Variants in LUM observed in about 807,000 individuals in gnomAD.
The protein encoded by LUM is KSPG lumican.
A neutral mutation model predicts 20.5 loss-of-function variants in LUM; 13 were observed. That is an observed-to-expected ratio of 0.63 (90% confidence interval 0.41 to 1.01). LUM has a LOEUF of 1.01. Ranked by LOEUF, LUM falls within the 50% of genes least tolerant of loss-of-function variation. The pLI is 0.00. For synonymous variants in LUM, 173 were observed against 151.5 expected (o/e 1.14, Z -1.04); for missense variants, 321 against 391.1 (o/e 0.82, Z 1.51).
rs1037302976 is a variant in LUM at position 91,104,680 on chromosome 12, T to C, written c.863-361A>G. On this transcript the variant is annotated intron_variant, in intron 2 of 2. Coordinates refer to ENST00000266718, the MANE Select transcript of LUM (RefSeq NM_002345.4). ...AAGAAATATAAATGGATCCCATTGT[T>C]GTATGAACAATCTCAGTATAAGTAC... Among the ~76,000 whole-genome samples the C allele has an allele frequency of 8.5e-5, 13 of 152,180 alleles. 1 individual carries two copies. Among genetic ancestry groups the C allele is most frequent in the African/African-American group, 2.2e-4 (9 of 41,462 alleles).
intron 2 of LUM, among the ~76,000 whole-genome samples, chr12:91,105,987 A>G (rs1171462613): frequency 6.6e-6 from 1 of 152,198 alleles, no homozygotes; most frequent in African/African-American, 2.4e-5. Flanking sequence ...TATGTTTAAA[A>G]TGAGGAATCA....
intron 2 of LUM, among the ~76,000 whole-genome samples, chr12:91,104,525 T>C (rs1879988213): frequency 6.6e-6 from 1 of 152,142 alleles, no homozygotes; most frequent in Admixed American, 6.6e-5. Context: ...AGAGTAATCA[T>C]GGTAGATCAA....
chr12:91,110,946 G>C (rs1880190030), intron 1 of LUM, among the ~76,000 whole-genome samples: 1 of 152,038 alleles, frequency 6.6e-6, no homozygotes, highest in Non-Finnish European at 1.5e-5. Flanking sequence ...AAATCTTTTA[G>C]CTCATGTTTT....
At chr12:91,105,338 G>A (rs961759839) in intron 2 of LUM, among the ~76,000 whole-genome samples, 1 of 151,562 alleles carries the variant, frequency 6.6e-6, no homozygotes, top group African/African-American at 2.4e-5. Context: ...ATTAAATTAA[G>A]TTGTGTAGAG....
intron 1 of LUM, 77 bp from the exon 2 acceptor site, chr12:91,109,077 A>T: frequency 2.9e-6 from 3 of 1,039,972 alleles, no homozygotes; most frequent in Non-Finnish European, 4.2e-6. Flanking sequence ...GCAACATTAA[A>T]TTCATTAGAA....
chr12:91,109,011 A>G lies in LUM; in HGVS notation c.-21-11T>C. 1 of 1,555,902 alleles carries G rather than the reference A, an allele frequency of 6.4e-7. No homozygotes were observed. Among genetic ancestry groups the G allele is most frequent in the East Asian group, 2.3e-5 (1 of 42,898 alleles). ...CAAATGGTTTGAATCCTAAATAAAGATGAAACATTTATTAATTAAAAAAAT... is the reference window on the plus strand; with the variant it reads ...CAAATGGTTTGAATCCTAAATAAAGGTGAAACATTTATTAATTAAAAAAAT... On this transcript the variant is annotated splice_polypyrimidine_tract_variant and intron_variant, in intron 1 of 2. Transcript: ENST00000266718.
At chr12:91,106,395 C>A (rs1229732626) in intron 2 of LUM, among the ~76,000 whole-genome samples, 2 of 151,918 alleles carry the variant, frequency 1.3e-5, no homozygotes, top group South Asian at 2.1e-4. Flanking sequence ...ATTTAGAAAG[C>A]CTTATCTGTG....
rs745337639 is a variant in LUM, at chr12:91,108,937, C to T, written c.43G>A (p.Gly15Ser). 6.2e-6 allele frequency: 10 copies of T among 1,613,502 alleles called. No homozygotes were observed. The highest frequency in any genetic ancestry group is 8.5e-6 in the Non-Finnish European group (10 of 1,179,668). ...TAATCATAGTACTGGCCACTGGTAC[C>T]ACCAATCAATGCCAGGAAGAGAGTA... is the stretch of plus-strand genomic sequence containing the variant. ...AFTLFLALIG[G>S]TSGQYYDYDF... The change falls in exon 2 of 3, where the codon GGT becomes AGT. Residue 15 changes from glycine to serine, a missense_variant. Transcript: ENST00000266718. The surrounding 1 kb of genome is among the most constrained non-coding windows in gnomAD (Gnocchi z 4.2).
rs1364445609 is a variant in LUM, at chr12:91,108,613, T to C, written c.367A>G (p.Ile123Val). 3.7e-6 allele frequency: 6 copies of C among 1,613,744 alleles called. No individual in the cohort carries two copies. The highest frequency in any genetic ancestry group is 2.2e-5 in the East Asian group (1 of 44,880). Reference protein sequence around the residue: ...SKLKQLKKLHINHNNLTESVG... With the variant: ...SKLKQLKKLHVNHNNLTESVG... ...GACTCTGTCAGGTTGTTGTGGTTTATATGCAGCTTCTTCAGTTGTTTCAAT... is the reference window on the plus strand; with the variant it reads ...GACTCTGTCAGGTTGTTGTGGTTTACATGCAGCTTCTTCAGTTGTTTCAAT... The change falls in exon 2 of 3, where the codon ATA (isoleucine) becomes GTA (valine). Residue 123 changes from isoleucine (I) to valine (V), a missense_variant. Transcript: ENST00000266718. The surrounding 1 kb of genome is among the most constrained non-coding windows in gnomAD (Gnocchi z 4.2).
intron 2 of LUM, among the ~76,000 whole-genome samples, chr12:91,107,424 G>A (rs545704843): frequency 6.6e-6 from 1 of 152,064 alleles, no homozygotes; most frequent in Admixed American, 6.5e-5. Context: ...TGTGGCTATG[G>A]AGTTTGCCAA....
chr12:91,104,778 C>T (rs1879995125), intron 2 of LUM, among the ~76,000 whole-genome samples: 1 of 152,170 alleles, frequency 6.6e-6, no homozygotes, highest in African/African-American at 2.4e-5. Flanking sequence ...CAACCACATA[C>T]CATGACCATG....
chr12:91,102,990 G>C lies in LUM; in HGVS notation c.*1175C>G, dbSNP rs1454833998. On this transcript the variant is annotated 3_prime_UTR_variant, in exon 3 of 3. Coordinates refer to ENST00000266718, the MANE Select transcript of LUM (RefSeq NM_002345.4). ...TGCATAACATTTGGCTCCACACATA[G>C]GTTTTATTGTTAACTAGGTAAAACA... 2.0e-5 allele frequency: 3 copies of C among 151,926 alleles called. No individual in the cohort carries two copies. In the East Asian group the frequency reaches 5.8e-4, roughly 29 times the overall value. The allele number at this position is 151,926 out of a possible 1,614,324, so 9.4% of individuals were successfully genotyped here.
chr12:91,104,434 T>G, intron 2 of LUM, 115 bp from the exon 3 acceptor site: 1 of 708,346 alleles, frequency 1.4e-6, no homozygotes. Flanking sequence ...TTTAGAAAAG[T>G]CATAATATAG....
intron 1 of LUM, among the ~76,000 whole-genome samples, chr12:91,110,785 T>C (rs570244809): frequency 1.3e-5 from 2 of 152,162 alleles, no homozygotes; most frequent in Non-Finnish European, 2.9e-5. Flanking sequence ...CCTCAGTTTT[T>C]TCAAATACCT....
intron 1 of LUM, 107 bp from the exon 2 acceptor site, chr12:91,109,107 T>G: frequency 1.2e-6 from 1 of 858,300 alleles, no homozygotes; most frequent in East Asian, 2.7e-5. Context: ...TTTGTTATTT[T>G]ATAGCTATTT....
rs1440884428 is a variant in LUM, at chr12:91,108,833, A to G, written c.147T>C (p.Ser49=). The change falls in exon 2 of 3, where the codon AGT becomes AGC. Residue 49 remains serine (S), a synonymous_variant. Coordinates refer to ENST00000266718, the MANE Select transcript of LUM (RefSeq NM_002345.4). The surrounding 1 kb of genome is among the most constrained non-coding windows in gnomAD (Gnocchi z 4.2). ...PECNCPESYP[S]AMYCDELKLK... ...ATTTCAGCTCATCACAGTACATGGC[A>G]CTTGGGTAGCTTTCAGGGCAGTTAC... 6.2e-7 allele frequency: 1 copy of G among 1,614,108 alleles called. No individual in the cohort carries two copies. The highest frequency in any genetic ancestry group is 1.7e-5 in the Admixed American group (1 of 60,018).
chr12:91,107,070 TG>T (rs1028527747), intron 2 of LUM, among the ~76,000 whole-genome samples: 1 of 145,458 alleles, frequency 6.9e-6, no homozygotes, highest in Non-Finnish European at 1.5e-5. Context: ...CGCCTGAGCC[TG>T]GGGGGTGGAG....
intron 2 of LUM, 104 bp from the exon 3 acceptor site, chr12:91,104,423 A>C: frequency 1.3e-6 from 1 of 779,182 alleles, no homozygotes; most frequent in Non-Finnish European, 2.0e-6. Flanking sequence ...ACCTCTTCCC[A>C]TTTAGAAAAG....
At chr12:91,107,675 G>C (rs886735019) in intron 2 of LUM, among the ~76,000 whole-genome samples, 1 of 152,012 alleles carries the variant, frequency 6.6e-6, no homozygotes, top group Non-Finnish European at 1.5e-5. Flanking sequence ...ATATGATTGA[G>C]CTAGAATTAT....
Sources: allele counts gnomAD v4.1 joint callset (sites outside exome capture counted in the v4.1 genomes callset), GRCh38; gene constraint gnomAD v4.1.1; non-coding constraint Gnocchi (gnomAD v3.1); transcripts MANE v1.5; gene names NCBI Gene and HGNC (gene_info 2026-07-23, HGNC 2026-07-21).